The following KIRREL3 variants were observed in gnomAD, a reference collection of about 807,000 sequenced individuals.
KIRREL3 encodes the protein kirre like nephrin family adhesion molecule 3, also known as kin of IRRE-like protein 3.
In KIRREL3, 36 loss-of-function variants were observed where a neutral mutation model predicts 89.7. The observed-to-expected ratio is 0.40, with a 90% confidence interval of 0.31 to 0.53. The LOEUF (loss-of-function observed/expected upper bound fraction) is 0.53. Among genes scored for constraint, KIRREL3 ranks in the 20% least tolerant of loss-of-function variants. KIRREL3 has a pLI of 0.49. For missense variants in KIRREL3, 864 were observed against 1,056.6 expected, an observed-to-expected ratio of 0.82 and a Z score of 2.53; for synonymous variants, 445 against 441.4, an observed-to-expected ratio of 1.01 and a Z score of -0.10.
chr11:126,480,867 C>T (rs1232752005), intron 4 of KIRREL3, among the ~76,000 whole-genome samples: 1 of 152,218 alleles, frequency 6.6e-6, no homozygotes. Context: ...TTCTCTGGTT[C>T]TGGGCCGCGT....
In KIRREL3 at chr11:126,522,100, A is replaced by G. The variant is rs774701425; in HGVS notation, c.284-636T>C. 2.0e-5 allele frequency among the ~76,000 whole-genome samples: 3 copies of G among 152,170 alleles called. No individual in the cohort carries two copies. Among genetic ancestry groups the G allele is most frequent in the Non-Finnish European group, 4.4e-5 (3 of 68,034 alleles). On this transcript the variant is annotated intron_variant, in intron 3 of 16. Coordinates refer to ENST00000525144, the MANE Select transcript of KIRREL3 (RefSeq NM_032531.4). The surrounding 1 kb of genome is among the most constrained non-coding windows in gnomAD (Gnocchi z 6.0). Reference sequence around the variant, plus strand: ...AAAATCGGAGGAGCCACTGTTAGAAAGGAAAGAGGGAGAAGAGATGGAAAT... The same window carrying G: ...AAAATCGGAGGAGCCACTGTTAGAAGGGAAAGAGGGAGAAGAGATGGAAAT...
chr11:126,767,567 A>G (rs958249931), intron 1 of KIRREL3, among the ~76,000 whole-genome samples: 2 of 152,188 alleles, frequency 1.3e-5, no homozygotes, highest in East Asian at 1.9e-4. Flanking sequence ...AACGACATAC[A>G]CTGTATAGAC....
In KIRREL3 at chr11:126,544,508, T is replaced by C. The variant is rs938435345; in HGVS notation, c.134-17821A>G. 3.3e-5 allele frequency among the ~76,000 whole-genome samples: 5 copies of C among 152,160 alleles called. No individual in the cohort carries two copies. The highest frequency in any genetic ancestry group is 1.2e-4 in the African/African-American group (5 of 41,432). ...CTTCCCTTGATTTATTGCAGGATGA[T>C]AGGTCTGGGACTGGGGGTGGGACTG... is the stretch of plus-strand genomic sequence containing the variant. On this transcript the variant is annotated intron_variant, in intron 2 of 16. Transcript: ENST00000525144. The surrounding 1 kb of genome is among the most constrained non-coding windows in gnomAD (Gnocchi z 5.6).
chr11:126,543,693 G>C (rs193220576), intron 2 of KIRREL3, among the ~76,000 whole-genome samples: 1 of 152,160 alleles, frequency 6.6e-6, no homozygotes, highest in African/African-American at 2.4e-5. Flanking sequence ...TGAAGACCAC[G>C]GAAACCTCTC....
rs1209221075 is a variant in KIRREL3, at chr11:126,923,187, CTCTTCTTCTTCTTCTTCTTCTTCTTCT to C, written c.55+77241_55+77267del. 1.7e-3 allele frequency among the ~76,000 whole-genome samples: 41 copies of C among 23,838 alleles called. 2 individuals are homozygous for C. The highest frequency in any genetic ancestry group is 4.4e-3 in the South Asian group (2 of 454). 15.6% of individuals were successfully genotyped at this position (23,838 alleles called of 152,430 possible). On this transcript the variant is annotated intron_variant, in intron 1 of 16. Coordinates refer to ENST00000525144, the MANE Select transcript of KIRREL3 (RefSeq NM_032531.4). ...TTCTTCTTCTTCTTCTCTTCTTCTTCTCTTCTTCTTCTTCTTCTTCTTCTTCTTCTTCTTCTTCTTCTTCTTCTTCTT... is the reference window on the plus strand; with the variant it reads ...TTCTTCTTCTTCTTCTCTTCTTCTTCTCTTCTTCTTCTTCTTCTTCTTCTT...
In KIRREL3 at chr11:126,990,521, C is replaced by T. The variant is rs980189206; in HGVS notation, c.55+9934G>A. 1.3e-5 allele frequency among the ~76,000 whole-genome samples: 2 copies of T among 151,964 alleles called. No homozygotes were observed. Among genetic ancestry groups the T allele is most frequent in the African/African-American group, 4.8e-5 (2 of 41,432 alleles). ...CCTCCCGGGCTCTGCTCTCTCTGGG[C>T]AGGTTCAGGGCTTTGCAAGCGCTGC... On this transcript the variant is annotated intron_variant, in intron 1 of 16. Transcript: ENST00000525144. The surrounding 1 kb of genome is among the most constrained non-coding windows in gnomAD (Gnocchi z 6.3).
rs1938351453 is a variant in KIRREL3 at position 126,541,351 on chromosome 11, C to T, written c.134-14664G>A. 1.3e-5 allele frequency among the ~76,000 whole-genome samples: 2 copies of T among 152,072 alleles called. No homozygotes were observed. Among genetic ancestry groups the T allele is most frequent in the African/African-American group, 4.8e-5 (2 of 41,374 alleles). ...AATGCAAGGTTTAAGCGCCTTCCTC[C>T]CAACCCTAATGCTTGATGTTCTAAC... On this transcript the variant is annotated intron_variant, in intron 2 of 16. Coordinates refer to ENST00000525144, the MANE Select transcript of KIRREL3 (RefSeq NM_032531.4). This position sits in a 1 kb window ranked among gnomAD's most constrained non-coding sequence, Gnocchi z 4.8.
chr11:126,875,729 G>A (rs891460744), intron 1 of KIRREL3, among the ~76,000 whole-genome samples: 36 of 152,124 alleles, frequency 2.4e-4, no homozygotes, highest in Non-Finnish European at 3.5e-4. Context: ...ATTGTTTTTC[G>A]ACTTTTATTG....
Position 126,768,546 on chromosome 11 carries a change from G to A in KIRREL3, c.56-205634C>T, listed in dbSNP as rs145755655. 1.9e-3 allele frequency among the ~76,000 whole-genome samples: 287 copies of A among 152,320 alleles called. 2 individuals are homozygous for A. The highest frequency in any genetic ancestry group is 6.6e-3 in the African/African-American group (275 of 41,558). On this transcript the variant is annotated intron_variant, in intron 1 of 16. Coordinates refer to ENST00000525144, the MANE Select transcript of KIRREL3 (RefSeq NM_032531.4). This position sits in a 1 kb window ranked among gnomAD's most constrained non-coding sequence, Gnocchi z 4.5. ...TTCCAACAGTCAGAAGTGCAAGGAA[G>A]AAAGAAAAACAGGGGCATGAGCTAG...
rs1177635795 is a variant in KIRREL3, at chr11:126,883,450, T to C, written c.55+117005A>G. 6.6e-6 allele frequency among the ~76,000 whole-genome samples: 1 copy of C among 152,112 alleles called. No homozygotes were observed. Among genetic ancestry groups the C allele is most frequent in the East Asian group, 1.9e-4 (1 of 5,174 alleles). On this transcript the variant is annotated intron_variant, in intron 1 of 16. Transcript: ENST00000525144. The surrounding 1 kb of genome is among the most constrained non-coding windows in gnomAD (Gnocchi z 4.1). The stretch of plus-strand genomic sequence containing the variant: ...CGGGACTTTGCATTACTTCCAAAGG[T>C]CATGGTCACCGTCACAATTTCCATG...
intron 1 of KIRREL3, among the ~76,000 whole-genome samples, chr11:126,785,149 G>A (rs965869144): frequency 6.6e-6 from 1 of 152,142 alleles, no homozygotes; most frequent in Non-Finnish European, 1.5e-5. Flanking sequence ...TGGCTGGTGC[G>A]GGCCGGGAGA....
intron 1 of KIRREL3, among the ~76,000 whole-genome samples, chr11:126,777,438 A>G (rs1007199679): frequency 1.3e-5 from 2 of 152,216 alleles, no homozygotes; most frequent in Non-Finnish European, 2.9e-5. Context: ...GGAGCCAGGC[A>G]GAGAAGGATC....
At chr11:126,853,824 T>C (rs184772556) in intron 1 of KIRREL3, among the ~76,000 whole-genome samples, 1 of 152,324 alleles carries the variant, frequency 6.6e-6, no homozygotes, top group African/African-American at 2.4e-5. Flanking sequence ...CATGTTTCAT[T>C]CTAAGTATAT....
Position 126,449,132 on chromosome 11 carries a change from T to G in KIRREL3, c.874A>C (p.Lys292Gln), listed in dbSNP as rs780597478. Residue 292 changes from lysine (K) to glutamine (Q), a missense_variant, in exon 8 of 17, where the codon AAG (lysine) becomes CAG (glutamine). Physicochemically the swap from Lys to Gln is moderately conservative, Grantham distance 53. Coordinates refer to ENST00000525144, the MANE Select transcript of KIRREL3 (RefSeq NM_032531.4). ...YRWAKRGQII[K>Q]EASGEVYRTT... ...CTGTACACCTCTCCAGATGCCTCCT[T>G]GATGATCTGGCCCCGCTTGGCCCAC... 2.5e-6 allele frequency: 4 copies of G among 1,613,796 alleles called. No individual in the cohort carries two copies. In the African/African-American group the frequency reaches 4.0e-5, roughly 16 times the overall value.
At position 126,723,193 on chromosome 11, in the gene KIRREL3, C is replaced by T. The variant is rs368480594; in HGVS notation, c.56-160281G>A. 1.6e-5 allele frequency among the ~76,000 whole-genome samples: 2 copies of T among 123,074 alleles called. No homozygotes were observed. The highest frequency in any genetic ancestry group is 5.3e-5 in the African/African-American group (2 of 38,068). The allele number at this position is 123,074 out of a possible 152,430, so 80.7% of individuals were successfully genotyped here. On this transcript the variant is annotated intron_variant, in intron 1 of 16. Transcript: ENST00000525144. The surrounding 1 kb of genome is among the most constrained non-coding windows in gnomAD (Gnocchi z 4.0). ...CAGAGCCTGCAGCCCTGACACATTG[C>T]AGGTACTTAGCATACAGAGCTGGAT...
At chr11:126,464,431 T>TAAGG (rs1956652313) in intron 5 of KIRREL3, among the ~76,000 whole-genome samples, 1 of 151,212 alleles carries the variant, frequency 6.6e-6, no homozygotes, top group Non-Finnish European at 1.5e-5. Flanking sequence ...CTTGGGAGGC[T>TAAGG]AAGGTGAGAG....
At chr11:126,638,916 C>G (rs1022833588) in intron 1 of KIRREL3, among the ~76,000 whole-genome samples, 1 of 152,190 alleles carries the variant, frequency 6.6e-6, no homozygotes, top group East Asian at 1.9e-4. Flanking sequence ...TACCTATTTC[C>G]TTTTCTAGAT....
Position 126,467,321 on chromosome 11 carries a change from G to A in KIRREL3, c.592-4014C>T, listed in dbSNP as rs779655121. ...TTCCCCAGCACCGGCCTGGGAGGCC[G>A]GTCTTCCCAGGTATGGTTGTACACA... On this transcript the variant is annotated intron_variant, in intron 5 of 16. Transcript: ENST00000525144. Among the ~76,000 whole-genome samples the A allele has an allele frequency of 1.7e-4, 26 of 152,184 alleles. No individual in the cohort carries two copies. In the South Asian group the frequency reaches 1.9e-3, roughly 11 times the overall value.
rs1185917586 is a variant in KIRREL3, at chr11:126,611,591, G to A, written c.56-48679C>T. Among the ~76,000 whole-genome samples, 1 of 152,096 alleles carries A rather than the reference G, an allele frequency of 6.6e-6. No individual in the cohort carries two copies. On this transcript the variant is annotated intron_variant, in intron 1 of 16. Coordinates refer to ENST00000525144, the MANE Select transcript of KIRREL3 (RefSeq NM_032531.4). This position sits in a 1 kb window ranked among gnomAD's most constrained non-coding sequence, Gnocchi z 4.7. ...ATCCTGAGGTGTCGTGAGGGCAATG[G>A]CCTGCAGAGTCCAAAGGTGGCTGTC...
Sources: allele counts gnomAD v4.1 joint callset (sites outside exome capture counted in the v4.1 genomes callset), GRCh38; gene constraint gnomAD v4.1.1; non-coding constraint Gnocchi (gnomAD v3.1); transcripts MANE v1.5; gene names NCBI Gene and HGNC (gene_info 2026-07-23, HGNC 2026-07-21).